Variants in COL19A1 observed in about 807,000 individuals in gnomAD.
COL19A1 encodes collagen alpha-1(XIX) chain.
COL19A1 carries 159 observed loss-of-function variants against 190.2 expected under a neutral mutation model. The ratio of observed to expected loss-of-function variants is 0.84; its 90% CI spans 0.73 to 0.95. The LOEUF is 0.95. COL19A1 is among the 40% of genes least tolerant of loss of function. COL19A1 has a pLI of 0.00. For synonymous variants in COL19A1, 509 were observed against 458.9 expected, an observed-to-expected ratio of 1.11 and a Z score of -1.39; for missense variants, 1,418 against 1,431.9, an observed-to-expected ratio of 0.99 and a Z score of 0.16.
intron 11 of COL19A1, among the ~76,000 whole-genome samples, chr6:70,007,914 G>GA (rs950956452): frequency 2.0e-5 from 3 of 151,636 alleles, no homozygotes; most frequent in South Asian, 2.1e-4. Flanking sequence ...ATCAATATTA[G>GA]AAAAAATCTC....
chr6:70,144,132 A>C, intron 23 of COL19A1, 78 bp from the exon 24 acceptor site: 48 of 1,269,162 alleles, frequency 3.8e-5, no homozygotes, highest in South Asian at 5.2e-5. Flanking sequence ...TTCTCTTGAC[A>C]GAGATTCACA....
chr6:70,176,044 C>T (rs766323674), intron 41 of COL19A1, among the ~76,000 whole-genome samples: 15 of 152,108 alleles, frequency 9.9e-5, no homozygotes, highest in Non-Finnish European at 2.2e-4. Context: ...AAGGGATCTT[C>T]TAATTGGCCA....
rs1768093920 is a variant in COL19A1 at position 70,210,026 on chromosome 6, T to C, written c.*2752T>C. On this transcript the variant is annotated 3_prime_UTR_variant, in exon 51 of 51. Transcript: ENST00000620364. ...CCATTTTATTCCATTCCAAAACATG[T>C]GTTTATTTCCACATAGATGTTAATG... The C allele has an allele frequency of 6.6e-6, 1 of 152,148 alleles. No homozygotes were observed. The highest frequency in any genetic ancestry group is 2.4e-5 in the African/African-American group (1 of 41,430). 9.4% of individuals were successfully genotyped at this position (152,148 alleles called of 1,614,324 possible). A position where few individuals can be genotyped will look rare whatever the true frequency, so the allele number is the denominator to read the frequency against.
rs78429925 is a variant in COL19A1 at position 70,178,225 on chromosome 6, C to A, written c.2667+1661C>A. Among the ~76,000 whole-genome samples, 1,050 of 152,124 alleles carry A rather than the reference C, an allele frequency of 6.9e-3. 19 individuals carry two copies. Among genetic ancestry groups the A allele is most frequent in the African/African-American group, 0.024 (989 of 41,528 alleles). Reference sequence around the variant, plus strand: ...AAACATGGCAAAACTCTTGTCTCTGCAAAAAGTGCAAAAATTAGCTGGGCA... The same window carrying A: ...AAACATGGCAAAACTCTTGTCTCTGAAAAAAGTGCAAAAATTAGCTGGGCA... On this transcript the variant is annotated intron_variant, in intron 42 of 50. Coordinates refer to ENST00000620364, the MANE Select transcript of COL19A1 (RefSeq NM_001858.6).
chr6:70,037,014 T>C (rs1040047894), intron 14 of COL19A1, among the ~76,000 whole-genome samples: 3 of 152,198 alleles, frequency 2.0e-5, no homozygotes, highest in African/African-American at 4.8e-5. Context: ...ACTAAATAGA[T>C]AACTTACTTG....
intron 47 of COL19A1, 71 bp from the exon 48 acceptor site, chr6:70,190,244 A>C: frequency 8.2e-7 from 1 of 1,214,618 alleles, no homozygotes; most frequent in Non-Finnish European, 1.2e-6. Context: ...AGGCAAGCCA[A>C]CCCAATATTT....
intron 46 of COL19A1, among the ~76,000 whole-genome samples, chr6:70,185,521 G>A (rs1766455344): frequency 1.3e-5 from 2 of 152,174 alleles, no homozygotes; most frequent in African/African-American, 4.8e-5. Flanking sequence ...TGAAAGTATA[G>A]TGAAGTTACT....
At chr6:70,042,139 G>A (rs1779665465) in intron 14 of COL19A1, among the ~76,000 whole-genome samples, 1 of 152,134 alleles carries the variant, frequency 6.6e-6, no homozygotes. Flanking sequence ...GCAGAGATGG[G>A]GTGGAAATGT....
In COL19A1 at chr6:70,027,822, C is replaced by T. The variant is rs576737795; in HGVS notation, c.1080+4142C>T. On this transcript the variant is annotated intron_variant, in intron 12 of 50. Transcript: ENST00000620364. ...TACAAGATATATTTAACAAAGGTAT[C>T]TTAGAATAGACTTGAGAGAGAATAA... Among the ~76,000 whole-genome samples the T allele has an allele frequency of 1.2e-3, 189 of 152,142 alleles. 1 individual carries two copies. Among genetic ancestry groups the T allele is most frequent in the Non-Finnish European group, 1.9e-3 (131 of 67,972 alleles).
chr6:70,046,086 A>G (rs1424706752), intron 14 of COL19A1, among the ~76,000 whole-genome samples: 1 of 152,168 alleles, frequency 6.6e-6, no homozygotes, highest in Non-Finnish European at 1.5e-5. Context: ...AGTAACTTAT[A>G]ATTTACTTAG....
chr6:69,934,537 G>A (rs1049665861), intron 7 of COL19A1, among the ~76,000 whole-genome samples: 1 of 151,812 alleles, frequency 6.6e-6, no homozygotes, highest in South Asian at 2.1e-4. Context: ...TGATTTATGA[G>A]GAAATTGTTT....
intron 2 of COL19A1, among the ~76,000 whole-genome samples, chr6:69,891,748 A>G (rs1334796718): frequency 1.3e-5 from 2 of 152,172 alleles, no homozygotes; most frequent in Admixed American, 6.5e-5. Flanking sequence ...GGAGTTCCCT[A>G]CACCTCATTT....
chr6:69,984,348 A>C (rs1776203493), intron 11 of COL19A1, among the ~76,000 whole-genome samples: 2 of 152,050 alleles, frequency 1.3e-5, no homozygotes, highest in Non-Finnish European at 2.9e-5. Flanking sequence ...GGTATTGTTA[A>C]TATGCTTATC....
intron 1 of COL19A1, among the ~76,000 whole-genome samples, chr6:69,872,045 G>A (rs1169329579): frequency 1.3e-5 from 2 of 152,162 alleles, no homozygotes; most frequent in Non-Finnish European, 2.9e-5. Flanking sequence ...TCGAACTCCT[G>A]ACATCAGGCA....
intron 15 of COL19A1, among the ~76,000 whole-genome samples, chr6:70,083,939 A>G (rs1018032444): frequency 6.6e-6 from 1 of 152,226 alleles, no homozygotes; most frequent in African/African-American, 2.4e-5. Context: ...AAAAAGTATT[A>G]TAAGAGGAAA....
intron 2 of COL19A1, chr6:69,891,058 T>G (rs1430305354): frequency 2.9e-6 from 1 of 342,440 alleles, no homozygotes; most frequent in Non-Finnish European, 6.1e-6. Context: ...ATTTGGAGTT[T>G]GATGGCCTGA....
intron 11 of COL19A1, among the ~76,000 whole-genome samples, chr6:69,975,661 A>G (rs1293470593): frequency 6.6e-6 from 1 of 152,192 alleles, no homozygotes; most frequent in East Asian, 1.9e-4. Context: ...TCTGGCAGGT[A>G]TTACAATGGT....
chr6:69,967,939 G>T (rs371319769), intron 11 of COL19A1, among the ~76,000 whole-genome samples: 2 of 97,540 alleles, frequency 2.1e-5, no homozygotes, highest in Admixed American at 9.7e-5. Context: ...TACACGTAGC[G>T]TAAAGTACAC....
At chr6:69,881,925 G>T (rs1300632558) in intron 2 of COL19A1, among the ~76,000 whole-genome samples, 1 of 152,188 alleles carries the variant, frequency 6.6e-6, no homozygotes, top group African/African-American at 2.4e-5. Context: ...CCCTTCTTGT[G>T]TCTTGTGTAT....
Sources: gnomAD v4.1 joint callset for allele counts (sites outside exome capture counted in the v4.1 genomes callset) on GRCh38, gnomAD v4.1.1 for gene constraint, MANE v1.5 for transcripts, NCBI Gene and HGNC (gene_info 2026-07-23, HGNC 2026-07-21) for gene names.